Variants in RIMS1 observed in about 807,000 individuals in gnomAD.
The protein encoded by RIMS1 is regulating synaptic membrane exocytosis 1, also known as regulating synaptic membrane exocytosis protein 1.
A neutral mutation model predicts 214.1 loss-of-function variants in RIMS1; 83 were observed. The observed-to-expected ratio is 0.39, with a 90% CI of 0.32 to 0.47. The LOEUF (loss-of-function observed/expected upper bound fraction) is 0.47. Among genes scored for constraint, RIMS1 ranks in the 20% least tolerant of loss-of-function variants. RIMS1 has a pLI of 0.99. For synonymous variants in RIMS1, 793 were observed against 786.8 expected (o/e 1.01, Z -0.13); for missense variants, 2,050 against 2,161.8 (o/e 0.95, Z 1.03).
At chr6:72,192,287 A>T (rs770275620) in intron 6 of RIMS1, among the ~76,000 whole-genome samples, 1 of 152,158 alleles carries the variant, frequency 6.6e-6, no homozygotes, top group South Asian at 2.1e-4. Flanking sequence ...TAGTTCCTGA[A>T]ATGTCTGATC....
At chr6:72,367,326 G>T (rs556431818) in intron 29 of RIMS1, among the ~76,000 whole-genome samples, 1 of 152,034 alleles carries the variant, frequency 6.6e-6, no homozygotes, top group Non-Finnish European at 1.5e-5. Flanking sequence ...GTACAATTCA[G>T]TGCAAATATA....
At chr6:72,055,593 A>G (rs556454763) in intron 2 of RIMS1, among the ~76,000 whole-genome samples, 13 of 152,244 alleles carry the variant, frequency 8.5e-5, no homozygotes, top group Non-Finnish European at 1.8e-4. Flanking sequence ...CTGGTGTTCA[A>G]TGGGATTGCC....
chr6:72,174,886 C>A (rs1423527305), intron 4 of RIMS1, among the ~76,000 whole-genome samples: 3 of 152,092 alleles, frequency 2.0e-5, no homozygotes, highest in Non-Finnish European at 4.4e-5. Context: ...ATATTATAAA[C>A]TTCCAAAGGG....
intron 4 of RIMS1, among the ~76,000 whole-genome samples, chr6:72,101,398 A>G (rs1562313322): frequency 6.6e-6 from 1 of 151,978 alleles, no homozygotes. Flanking sequence ...TTTAAACACC[A>G]TTTTAGCTTA....
At chr6:72,193,329 G>A (rs570693227) in intron 6 of RIMS1, among the ~76,000 whole-genome samples, 12 of 152,228 alleles carry the variant, frequency 7.9e-5, no homozygotes, top group African/African-American at 2.6e-4. Context: ...GATACCAGAC[G>A]CTCATTTATC....
chr6:72,218,898 G>T (rs965836303), intron 6 of RIMS1, among the ~76,000 whole-genome samples: 1 of 152,156 alleles, frequency 6.6e-6, no homozygotes, highest in Non-Finnish European at 1.5e-5. Context: ...AAGTTTGTCT[G>T]CTCAAGTCTC....
In RIMS1 at chr6:72,213,184, C is replaced by A. The variant is rs983573019; in HGVS notation, c.1679-20589C>A. On this transcript the variant is annotated intron_variant, in intron 6 of 33. Coordinates refer to ENST00000521978, the MANE Select transcript of RIMS1 (RefSeq NM_014989.7). ...TGGGAAGAAGTGAGGTCTGTTGATT[C>A]CGAAGAGGGAACAATTGAAGCTCGA... The A allele has an allele frequency of 2.0e-6, 3 of 1,536,530 alleles. No homozygotes were observed. The African/African-American group carries it at 4.1e-5, about 21-fold the overall frequency.
At chr6:71,962,250 T>C (rs1016719528) in intron 1 of RIMS1, among the ~76,000 whole-genome samples, 1 of 152,188 alleles carries the variant, frequency 6.6e-6, no homozygotes, top group Non-Finnish European at 1.5e-5. Context: ...AAATCTCTTA[T>C]TAATCTTTGT....
intron 16 of RIMS1, among the ~76,000 whole-genome samples, chr6:72,257,196 A>T (rs2154151225): frequency 1.3e-5 from 1 of 75,624 alleles, no homozygotes; most frequent in South Asian, 4.3e-4. Context: ...TTGTAAATAT[A>T]GTTTTTTTTT....
intron 6 of RIMS1, among the ~76,000 whole-genome samples, chr6:72,200,139 T>A (rs934443998): frequency 6.6e-6 from 1 of 152,128 alleles, no homozygotes; most frequent in Admixed American, 6.6e-5. Flanking sequence ...CTTCCATAAT[T>A]GGTATTTTAG....
At chr6:72,350,140 GA>G (rs2154368691) in intron 29 of RIMS1, among the ~76,000 whole-genome samples, 1 of 151,882 alleles carries the variant, frequency 6.6e-6, no homozygotes, top group African/African-American at 2.4e-5. Flanking sequence ...ATTTTTGTGG[GA>G]AAAATATTTA....
At chr6:72,337,631 G>T (rs991798398) in intron 29 of RIMS1, among the ~76,000 whole-genome samples, 5 of 150,606 alleles carry the variant, frequency 3.3e-5, no homozygotes, top group African/African-American at 1.2e-4. Flanking sequence ...GGGTACATGT[G>T]CACAATGTGC....
intron 19 of RIMS1, chr6:72,262,908 G>C (rs529946918): frequency 4.2e-6 from 2 of 481,820 alleles, no homozygotes; most frequent in Non-Finnish European, 5.4e-6. Flanking sequence ...AACAAGCACA[G>C]TGTTAAATAT....
At chr6:72,027,247 G>T (rs1816789266) in intron 2 of RIMS1, among the ~76,000 whole-genome samples, 1 of 152,076 alleles carries the variant, frequency 6.6e-6, no homozygotes, top group African/African-American at 2.4e-5. Flanking sequence ...CGGAACCTGA[G>T]CCCAGGAGGC....
chr6:71,984,502 A>G (rs1799339193), intron 2 of RIMS1, among the ~76,000 whole-genome samples: 1 of 152,202 alleles, frequency 6.6e-6, no homozygotes, highest in Non-Finnish European at 1.5e-5. Flanking sequence ...TTTATAATTT[A>G]CAAGCCCTCA....
intron 2 of RIMS1, among the ~76,000 whole-genome samples, chr6:71,981,567 T>G (rs1798481997): frequency 6.6e-6 from 1 of 152,110 alleles, no homozygotes; most frequent in Admixed American, 6.6e-5. Context: ...TAGAAAAAAT[T>G]CATAGAAAAG....
At chr6:71,929,127 T>C (rs1377148144) in intron 1 of RIMS1, among the ~76,000 whole-genome samples, 2 of 152,180 alleles carry the variant, frequency 1.3e-5, no homozygotes, top group Admixed American at 1.3e-4. Flanking sequence ...GTCTATTTTC[T>C]GTTTTTCTAC....
At position 72,026,464 on chromosome 6, in the gene RIMS1, C is replaced by A. The variant is rs571964906; in HGVS notation, c.245+57401C>A. 6.8e-4 allele frequency among the ~76,000 whole-genome samples: 98 copies of A among 143,206 alleles called. 1 individual carries two copies. The highest frequency in any genetic ancestry group is 1.9e-3 in the African/African-American group (75 of 38,816). 93.9% of individuals were successfully genotyped at this position (143,206 alleles called of 152,430 possible). On this transcript the variant is annotated intron_variant, in intron 2 of 33. Coordinates refer to ENST00000521978, the MANE Select transcript of RIMS1 (RefSeq NM_014989.7). ...CTTCTCCCCCAGCACCGCCCCCCCC[C>A]CCAACTTTTTTTTTTCAAACTATTC... is the stretch of plus-strand genomic sequence containing the variant.
intron 2 of RIMS1, among the ~76,000 whole-genome samples, chr6:72,064,315 T>TAGAA (rs201724158): frequency 8.8e-5 from 12 of 136,698 alleles, no homozygotes; most frequent in Non-Finnish European, 1.6e-4. Context: ...CAAAACTCCA[T>TAGAA]AGAAAGAAAG....
Sources: gnomAD v4.1 joint callset for allele counts (sites outside exome capture counted in the v4.1 genomes callset) on GRCh38, gnomAD v4.1.1 for gene constraint, MANE v1.5 for transcripts, NCBI Gene and HGNC (gene_info 2026-07-23, HGNC 2026-07-21) for gene names.